The following BBOF1 variants were observed in gnomAD, a reference collection of about 807,000 sequenced individuals.
The protein encoded by BBOF1 is basal body-orientation factor 1.
A neutral mutation model predicts 68.0 loss-of-function variants in BBOF1; 62 were observed. The ratio of observed to expected loss-of-function variants is 0.91; its 90% CI spans 0.74 to 1.13. The LOEUF is 1.13. BBOF1 is among the 50% of genes most tolerant of loss of function. BBOF1 has a pLI of 0.00. For synonymous variants in BBOF1, 208 were observed against 198.8 expected, an observed-to-expected ratio of 1.05 and a Z score of -0.39; for missense variants, 534 against 600.1, an observed-to-expected ratio of 0.89 and a Z score of 1.15.
intron 9 of BBOF1, among the ~76,000 whole-genome samples, chr14:74,076,851 A>T (rs1057473320): frequency 6.6e-6 from 1 of 152,044 alleles, no homozygotes; most frequent in African/African-American, 2.4e-5. Flanking sequence ...CACCCAGCCT[A>T]TATATATGTT....
chr14:74,068,971 A>G (rs1467146851), downstream of BBOF1: 3 of 1,613,900 alleles, frequency 1.9e-6, no homozygotes, highest in East Asian at 2.2e-5. Flanking sequence ...GATCGCAAAT[A>G]AAATTTACAG....
At chr14:74,025,020 A>G (rs1228871761) in intron 2 of BBOF1, among the ~76,000 whole-genome samples, 1 of 151,472 alleles carries the variant, frequency 6.6e-6, no homozygotes, top group Admixed American at 6.6e-5. Context: ...CGCCCACCTC[A>G]CCCTCCCAAA....
intron 12 of BBOF1, chr14:74,082,648 C>G (rs1240958670): frequency 6.6e-6 from 1 of 152,098 alleles, no homozygotes; most frequent in Non-Finnish European, 1.5e-5. Context: ...GATCCACCCA[C>G]CTTGGCCTCC....
intron 11 of BBOF1, among the ~76,000 whole-genome samples, chr14:74,061,709 T>C (rs1197298434): frequency 6.6e-6 from 1 of 152,122 alleles, no homozygotes; most frequent in Non-Finnish European, 1.5e-5. Context: ...AAGTAAAATG[T>C]CTGACATTAT....
chr14:74,073,019 C>T lies in BBOF1; in HGVS notation n.1380-5177C>T, dbSNP rs540841069. ...TTCACCATGTCGGCCAGACTGATCT[C>T]GAACTCCTGACCTCAGGTGATCCAC... On this transcript the variant is annotated intron_variant and non_coding_transcript_variant, in intron 9 of 12. Transcript: ENST00000492026. Among the ~76,000 whole-genome samples the T allele has an allele frequency of 8.5e-5, 13 of 152,310 alleles. No individual in the cohort carries two copies. The South Asian group carries it at 2.5e-3, about 29-fold the overall frequency.
At chr14:74,036,973 C>CTTT (rs548819182) in intron 4 of BBOF1, among the ~76,000 whole-genome samples, 3 of 104,378 alleles carry the variant, frequency 2.9e-5, no homozygotes, top group African/African-American at 7.9e-5. Context: ...TTTCTTTTTT[C>CTTT]TTTTTTTTTT....
downstream of BBOF1, chr14:74,068,906 A>G (rs1241684223): frequency 6.2e-7 from 1 of 1,613,914 alleles, no homozygotes; most frequent in Non-Finnish European, 8.5e-7. Flanking sequence ...TCTCTCGAAG[A>G]TATACTCTCC....
chr14:74,059,187 G>A lies in BBOF1; in HGVS notation c.1578+1929G>A, dbSNP rs548411762. ...ACCACTTTATGTCATGGAAAGCTTC[G>A]AAATTTCTTAGGCCCAGTTAATTGC... On this transcript the variant is annotated intron_variant, in intron 11 of 11. Coordinates refer to ENST00000394009, the MANE Select transcript of BBOF1 (RefSeq NM_025057.3). 135 of 214,096 alleles carry A rather than the reference G, an allele frequency of 6.3e-4. 1 individual carries two copies. The highest frequency in any genetic ancestry group is 4.8e-3 in the South Asian group (90 of 18,616). The allele number at this position is 214,096 out of a possible 1,614,324, so 13.3% of individuals were successfully genotyped here.
chr14:74,019,437 C>G lies in BBOF1; in HGVS notation c.-42C>G, dbSNP rs940815843. The G allele has an allele frequency of 6.3e-7, 1 of 1,582,192 alleles. No homozygotes were observed. Among genetic ancestry groups the G allele is most frequent in the Non-Finnish European group, 8.6e-7 (1 of 1,164,906 alleles). On this transcript the variant is annotated 5_prime_UTR_variant, in exon 1 of 12. Transcript: ENST00000394009. ...GAGACAGAGCTGGCCAGGGCGGCCG[C>G]GGCTGGGCAACTACGACAGCGGAGC...
At chr14:74,074,406 C>T (rs965476030) in intron 9 of BBOF1, among the ~76,000 whole-genome samples, 10 of 151,914 alleles carry the variant, frequency 6.6e-5, no homozygotes, top group African/African-American at 2.2e-4. Flanking sequence ...CCTGCCTCAG[C>T]CCGCAGAGTA....
chr14:74,078,760 C>T (rs1338785944), intron 10 of BBOF1, among the ~76,000 whole-genome samples: 1 of 151,778 alleles, frequency 6.6e-6, no homozygotes, highest in Non-Finnish European at 1.5e-5. Flanking sequence ...AACTCCTGAC[C>T]TCAAGTGATC....
intron 9 of BBOF1, chr14:74,075,073 T>G: frequency 6.5e-7 from 1 of 1,545,988 alleles, no homozygotes; most frequent in Non-Finnish European, 8.9e-7. Flanking sequence ...TTATTTAAAA[T>G]TTAGCAAATA....
chr14:74,056,015 T>C (rs1233323365), intron 9 of BBOF1, among the ~76,000 whole-genome samples: 1 of 151,062 alleles, frequency 6.6e-6, no homozygotes, highest in Non-Finnish European at 1.5e-5. Flanking sequence ...TAAGATTTTA[T>C]TGGTTTGCAA....
intron 8 of BBOF1, among the ~76,000 whole-genome samples, chr14:74,053,287 A>G (rs1252780240): frequency 6.6e-6 from 1 of 150,490 alleles, no homozygotes; most frequent in Non-Finnish European, 1.5e-5. Flanking sequence ...TAATTTTTGT[A>G]TTTTTAGTAG....
At chr14:74,023,910 C>A (rs956439559) in intron 2 of BBOF1, among the ~76,000 whole-genome samples, 3 of 131,436 alleles carry the variant, frequency 2.3e-5, no homozygotes, top group African/African-American at 8.8e-5. Flanking sequence ...GGCGACAGAG[C>A]GAGAGACTCC....
downstream of BBOF1, chr14:74,070,927 A>G: frequency 2.1e-6 from 1 of 465,660 alleles, no homozygotes. Context: ...ACTGAAGAAA[A>G]AAGTTTCTTT....
At chr14:74,042,879 GAC>G (rs71460947) in intron 5 of BBOF1, among the ~76,000 whole-genome samples, 19,075 of 143,540 alleles carry the variant, frequency 0.13, 1,278 homozygotes, top group South Asian at 0.23. Context: ...CACACACACA[GAC>G]ACACACACAC....
At chr14:74,057,015 C>G (rs755369881) in intron 10 of BBOF1, 35 bp downstream of exon 10, 1 of 1,590,148 alleles carries the variant, frequency 6.3e-7, no homozygotes, top group South Asian at 1.1e-5. Flanking sequence ...TAAACATGAG[C>G]CCAACACGAT....
At chr14:74,022,266 G>A (rs977596628) in intron 1 of BBOF1, among the ~76,000 whole-genome samples, 2 of 152,026 alleles carry the variant, frequency 1.3e-5, no homozygotes, top group African/African-American at 4.8e-5. Flanking sequence ...TATAAAAACT[G>A]CCCAAGCGCA....
Sources: allele counts gnomAD v4.1 joint callset (sites outside exome capture counted in the v4.1 genomes callset), GRCh38; gene constraint gnomAD v4.1.1; transcripts MANE v1.5; gene names NCBI Gene and HGNC (gene_info 2026-07-23, HGNC 2026-07-21).